PCDH9: variants seen among roughly 807,000 people sequenced by gnomAD.
PCDH9 encodes protocadherin 9.
A neutral mutation model predicts 70.6 loss-of-function variants in PCDH9; 24 were observed. That is an observed-to-expected ratio of 0.34 (90% CI 0.25 to 0.48). PCDH9 has a LOEUF of 0.48. Ranked by LOEUF, PCDH9 falls within the 20% of genes least tolerant of loss-of-function variation. The pLI, the probability that PCDH9 is intolerant of heterozygous loss-of-function variation, is 0.99. For synonymous variants in PCDH9, 562 were observed against 558.5 expected (o/e 1.01, Z -0.09); for missense variants, 1,281 against 1,503.6 (o/e 0.85, Z 2.45).
intron 4 of PCDH9, among the ~76,000 whole-genome samples, chr13:66,311,364 CTCTGTGTG>C (rs1162828412): frequency 1.0e-4 from 11 of 106,194 alleles, no homozygotes; most frequent in African/African-American, 3.3e-4. Flanking sequence ...TTCTCTCTCT[CTCTGTGTG>C]TGTGTGTGTG....
At chr13:66,576,342 A>G (rs2076814809) in intron 4 of PCDH9, among the ~76,000 whole-genome samples, 1 of 152,086 alleles carries the variant, frequency 6.6e-6, no homozygotes, top group African/African-American at 2.4e-5. Flanking sequence ...AGCTATGTGT[A>G]CATATATATT....
rs541903967 is a variant in PCDH9, at chr13:66,542,697, T to TATATATAAAAACATATATATGTTTAA, written c.3340+88512_3340+88513insTTAAACATATATATGTTTTTATATAT. 8.2e-3 allele frequency among the ~76,000 whole-genome samples: 1,205 copies of TATATATAAAAACATATATATGTTTAA among 146,936 alleles called. 27 individuals carry two copies. In the East Asian group the frequency reaches 0.083, roughly 10 times the overall value. ...ATTTAAATATATATATGTTTAAATA[T>TATATATAAAAACATATATATGTTTAA]ATATATATAAAAACATATATATGTT... On this transcript the variant is annotated intron_variant, in intron 4 of 4. Coordinates refer to ENST00000377865, the MANE Select transcript of PCDH9 (RefSeq NM_203487.3).
intron 4 of PCDH9, among the ~76,000 whole-genome samples, chr13:66,589,145 A>C (rs2077005402): frequency 6.6e-6 from 1 of 152,076 alleles, no homozygotes; most frequent in African/African-American, 2.4e-5. Flanking sequence ...GAGTTACTGT[A>C]TGTATGCCTT....
chr13:66,938,950 CTA>C lies in PCDH9; in HGVS notation c.3037-35347_3037-35346del, dbSNP rs565462231. 3.1e-3 allele frequency among the ~76,000 whole-genome samples: 468 copies of C among 152,092 alleles called. 1 individual carries two copies. The highest frequency in any genetic ancestry group is 5.1e-3 in the Non-Finnish European group (344 of 67,984). ...TTATGTAATTTAATTTCAGAATTGT[CTA>C]TCAATGTATTTATTTGTATTGAAAT... On this transcript the variant is annotated intron_variant, in intron 2 of 4. Coordinates refer to ENST00000377865, the MANE Select transcript of PCDH9 (RefSeq NM_203487.3).
chr13:66,980,084 C>G (rs1425311657), intron 2 of PCDH9, among the ~76,000 whole-genome samples: 1 of 130,084 alleles, frequency 7.7e-6, no homozygotes, highest in Non-Finnish European at 1.6e-5. Flanking sequence ...CCATCTCTAT[C>G]TATCTATCTA....
At chr13:67,054,747 C>A (rs1422083322) in intron 2 of PCDH9, among the ~76,000 whole-genome samples, 3 of 151,972 alleles carry the variant, frequency 2.0e-5, no homozygotes, top group Admixed American at 1.3e-4. Flanking sequence ...ATAATCAAAG[C>A]AGCTTAAAGA....
rs536834724 is a variant in PCDH9 at position 66,759,174 on chromosome 13, T to C, written c.3139-127763A>G. Among the ~76,000 whole-genome samples, 5 of 152,196 alleles carry C rather than the reference T, an allele frequency of 3.3e-5. No individual in the cohort carries two copies. In the East Asian group the frequency reaches 7.7e-4, roughly 23 times the overall value. On this transcript the variant is annotated intron_variant, in intron 3 of 4. Transcript: ENST00000377865. Reference sequence around the variant, plus strand: ...TTTACATATGTAGCTGCTCTGAAGTTGGGTACGTATATATTTACAATTGTT... The same window carrying C: ...TTTACATATGTAGCTGCTCTGAAGTCGGGTACGTATATATTTACAATTGTT...
At chr13:66,736,987 G>A (rs1012268651) in intron 3 of PCDH9, among the ~76,000 whole-genome samples, 1 of 152,018 alleles carries the variant, frequency 6.6e-6, no homozygotes, top group Non-Finnish European at 1.5e-5. Flanking sequence ...ATACGTTCCT[G>A]AGGGGAAAAA....
chr13:66,744,383 G>C (rs981834538), intron 3 of PCDH9, among the ~76,000 whole-genome samples: 1 of 152,128 alleles, frequency 6.6e-6, no homozygotes, highest in Non-Finnish European at 1.5e-5. Context: ...AGCATGACTT[G>C]AAGTAAAGGT....
intron 4 of PCDH9, among the ~76,000 whole-genome samples, chr13:66,430,602 G>C (rs1252098318): frequency 6.6e-6 from 1 of 152,044 alleles, no homozygotes; most frequent in Non-Finnish European, 1.5e-5. Flanking sequence ...TGCCCACATG[G>C]TGAGAGGGTC....
At chr13:66,721,465 G>A (rs1270221668) in intron 3 of PCDH9, among the ~76,000 whole-genome samples, 1 of 152,106 alleles carries the variant, frequency 6.6e-6, no homozygotes, top group Admixed American at 6.5e-5. Flanking sequence ...TTTACAGAAC[G>A]TGCAATATGC....
chr13:67,021,605 G>T (rs2084672991), intron 2 of PCDH9, among the ~76,000 whole-genome samples: 1 of 151,992 alleles, frequency 6.6e-6, no homozygotes, highest in South Asian at 2.1e-4. Context: ...TATTGCCCAG[G>T]CTGGAGTGCA....
intron 2 of PCDH9, chr13:67,214,430 G>T (rs1323816713): frequency 6.6e-6 from 1 of 152,148 alleles, no homozygotes; most frequent in Non-Finnish European, 1.5e-5. Flanking sequence ...CTGTGAAACA[G>T]ATTCTCTCTT....
intron 3 of PCDH9, among the ~76,000 whole-genome samples, chr13:66,777,010 A>C (rs1246226427): frequency 6.6e-6 from 1 of 151,726 alleles, no homozygotes; most frequent in Admixed American, 6.6e-5. Context: ...GACAAACCTG[A>C]GAAAAACAAG....
At chr13:66,778,765 T>A (rs1039280098) in intron 3 of PCDH9, among the ~76,000 whole-genome samples, 1 of 152,198 alleles carries the variant, frequency 6.6e-6, no homozygotes, top group Non-Finnish European at 1.5e-5. Context: ...TCCTGATTCA[T>A]AGAGGTACTA....
At chr13:66,809,640 T>A (rs1162785029) in intron 3 of PCDH9, among the ~76,000 whole-genome samples, 1 of 152,226 alleles carries the variant, frequency 6.6e-6, no homozygotes, top group African/African-American at 2.4e-5. Context: ...GTTTAGTATC[T>A]ACATGTAGAG....
intron 4 of PCDH9, among the ~76,000 whole-genome samples, chr13:66,423,134 A>T (rs562938045): frequency 6.6e-6 from 1 of 152,312 alleles, no homozygotes; most frequent in African/African-American, 2.4e-5. Flanking sequence ...TGAATAGACC[A>T]ATAACAAGTT....
chr13:66,974,619 G>A (rs1055401772), intron 2 of PCDH9, among the ~76,000 whole-genome samples: 3 of 151,750 alleles, frequency 2.0e-5, no homozygotes, highest in Middle Eastern at 3.2e-3. Flanking sequence ...TGTTTCTTGC[G>A]GTAATTTATT....
intron 4 of PCDH9, among the ~76,000 whole-genome samples, chr13:66,421,189 C>T (rs1957560491): frequency 6.6e-6 from 1 of 151,574 alleles, no homozygotes; most frequent in African/African-American, 2.4e-5. Context: ...GTGAAAAGAC[C>T]AAACCTATGT....
Sources: allele counts gnomAD v4.1 joint callset (sites outside exome capture counted in the v4.1 genomes callset), GRCh38; gene constraint gnomAD v4.1.1; transcripts MANE v1.5; gene names NCBI Gene and HGNC (gene_info 2026-07-23, HGNC 2026-07-21).